Variants in ULK4 observed in about 807,000 individuals in gnomAD.
ULK4 encodes the protein unc-51 like kinase 4.
In ULK4, 133 loss-of-function variants were observed where a neutral mutation model predicts 160.6. The observed-to-expected ratio is 0.83, with a 90% CI of 0.72 to 0.96. The LOEUF (loss-of-function observed/expected upper bound fraction) is 0.96. Ranked by LOEUF, ULK4 falls within the 40% of genes least tolerant of loss-of-function variation. The probability of loss-of-function intolerance (pLI) is 0.00; values close to 1 mark genes in which losing one functional copy is unlikely to be tolerated. For missense variants in ULK4, 1,580 were observed against 1,499.5 expected (o/e 1.05, Z -0.89); for synonymous variants, 534 against 539.8 (o/e 0.99, Z 0.15).
chr3:41,809,026 C>A (rs548509248), intron 19 of ULK4, among the ~76,000 whole-genome samples: 1 of 151,896 alleles, frequency 6.6e-6, no homozygotes, highest in Non-Finnish European at 1.5e-5. Flanking sequence ...ATTAGCCAGG[C>A]GTGGTGGTGC....
intron 17 of ULK4, among the ~76,000 whole-genome samples, chr3:41,862,155 G>A (rs904652459): frequency 6.6e-6 from 1 of 151,786 alleles, no homozygotes; most frequent in Admixed American, 6.6e-5. Context: ...TCTCTCTTCT[G>A]CTTAATAAAT....
At chr3:41,297,888 G>T (rs1398664084) in intron 35 of ULK4, among the ~76,000 whole-genome samples, 8 of 152,172 alleles carry the variant, frequency 5.3e-5, no homozygotes, top group Non-Finnish European at 1.2e-4. Flanking sequence ...CTGTATCCAA[G>T]GTCACAAAGG....
chr3:41,424,219 G>C (rs931870283), intron 34 of ULK4, among the ~76,000 whole-genome samples: 2 of 152,128 alleles, frequency 1.3e-5, no homozygotes, highest in Non-Finnish European at 2.9e-5. Flanking sequence ...GTGCCTCCCT[G>C]CAGCAATTTC....
intron 21 of ULK4, among the ~76,000 whole-genome samples, chr3:41,770,773 A>G (rs944241502): frequency 2.0e-5 from 3 of 152,192 alleles, no homozygotes; most frequent in Non-Finnish European, 4.4e-5. Context: ...TCAGCCTCCC[A>G]AAGTGCTGGG....
At chr3:41,353,791 TCTTA>T (rs1181873726) in intron 35 of ULK4, among the ~76,000 whole-genome samples, 1 of 151,902 alleles carries the variant, frequency 6.6e-6, no homozygotes, top group Non-Finnish European at 1.5e-5. Context: ...ACTTTCCTGG[TCTTA>T]CTTCTATAGG....
intron 12 of ULK4, among the ~76,000 whole-genome samples, chr3:41,906,782 C>G (rs1021299832): frequency 2.6e-5 from 4 of 152,106 alleles, no homozygotes; most frequent in African/African-American, 9.7e-5. Flanking sequence ...ATCATGAGGT[C>G]AAGAGATCAA....
At chr3:41,789,272 G>A (rs1575711229) in intron 21 of ULK4, among the ~76,000 whole-genome samples, 1 of 152,182 alleles carries the variant, frequency 6.6e-6, no homozygotes, top group South Asian at 2.1e-4. Flanking sequence ...TACAAGGAAA[G>A]GAATAAAAAT....
At chr3:41,721,255 ATTTTTT>A (rs67078042) in intron 22 of ULK4, among the ~76,000 whole-genome samples, 3 of 45,044 alleles carry the variant, frequency 6.7e-5, no homozygotes, top group East Asian at 1.0e-3. Flanking sequence ...TTCGCTTTGA[ATTTTTT>A]TTTTTTTTTT....
chr3:41,897,000 T>C lies in ULK4; in HGVS notation c.1352A>G (p.Asp451Gly), dbSNP rs368754718. The C allele has an allele frequency of 3.1e-6, 5 of 1,609,002 alleles. No homozygotes were observed. The highest frequency in any genetic ancestry group is 4.2e-6 in the Non-Finnish European group (5 of 1,177,662). Residue 451 changes from aspartate to glycine, a missense_variant, in exon 15 of 37, where the codon GAT becomes GGT. By Grantham distance (94) the Asp-to-Gly change is moderately conservative (BLOSUM62 -1). Transcript: ENST00000301831. ...KILHLPTYSV[D>G]KLLFLKDQDW... Reference sequence around the variant, plus strand: ...TTGATCTTTCAGAAATAATAACTTATCCACTGCGATGGAAAGAAAATAATA... The same window carrying C: ...TTGATCTTTCAGAAATAATAACTTACCCACTGCGATGGAAAGAAAATAATA...
chr3:41,642,292 A>G (rs1012151994), intron 30 of ULK4, among the ~76,000 whole-genome samples: 3 of 151,220 alleles, frequency 2.0e-5, no homozygotes, highest in African/African-American at 4.9e-5. Flanking sequence ...CCACCTATTA[A>G]CTCGTCATTT....
intron 35 of ULK4, among the ~76,000 whole-genome samples, chr3:41,339,927 G>A (rs919098776): frequency 1.3e-5 from 2 of 152,106 alleles, no homozygotes; most frequent in Admixed American, 6.5e-5. Context: ...TTGTAGAGGC[G>A]CTTGTTACAA....
chr3:41,916,634 A>C (rs898132727), intron 7 of ULK4, among the ~76,000 whole-genome samples: 1 of 150,656 alleles, frequency 6.6e-6, no homozygotes, highest in African/African-American at 2.4e-5. Flanking sequence ...CCAGTGATCC[A>C]CCTGCCTTGG....
chr3:41,323,391 A>AACACACAC (rs34357899), intron 35 of ULK4, among the ~76,000 whole-genome samples: 2,501 of 120,250 alleles, frequency 0.021, 50 homozygotes, highest in East Asian at 0.036. Context: ...CCTGAACAAT[A>AACACACAC]ACACACACAC....
intron 35 of ULK4, among the ~76,000 whole-genome samples, chr3:41,378,812 A>G (rs192862500): frequency 2.0e-5 from 3 of 151,862 alleles, no homozygotes; most frequent in Non-Finnish European, 2.9e-5. Flanking sequence ...ATAATAAAAA[A>G]TAAAACAAAA....
intron 32 of ULK4, among the ~76,000 whole-genome samples, chr3:41,473,232 C>T (rs1379158697): frequency 6.6e-6 from 1 of 152,100 alleles, no homozygotes; most frequent in Non-Finnish European, 1.5e-5. Context: ...TATTAGAAGA[C>T]TTTACCAGAG....
At chr3:41,876,067 C>CA (rs1477105425) in intron 17 of ULK4, among the ~76,000 whole-genome samples, 4 of 151,024 alleles carry the variant, frequency 2.6e-5, no homozygotes, top group Non-Finnish European at 3.0e-5. Flanking sequence ...TTAGCAATAC[C>CA]AAAAAAAGCA....
intron 16 of ULK4, among the ~76,000 whole-genome samples, chr3:41,893,831 A>G (rs1698057124): frequency 6.6e-6 from 1 of 152,184 alleles, no homozygotes; most frequent in African/African-American, 2.4e-5. Context: ...AAACAAAACT[A>G]AAGAATAAAT....
In ULK4 at chr3:41,561,729, G is replaced by A. The variant is rs189317070; in HGVS notation, c.3226+4296C>T. Among the ~76,000 whole-genome samples the A allele has an allele frequency of 2.6e-3, 402 of 152,134 alleles. 1 individual carries two copies. The highest frequency in any genetic ancestry group is 8.8e-3 in the African/African-American group (365 of 41,490). Reference sequence around the variant, plus strand: ...GATATCCTCTTTATCATTTTTTATTGTGTCTATTTGATTCTTCTCTCTTTT... The same window carrying A: ...GATATCCTCTTTATCATTTTTTATTATGTCTATTTGATTCTTCTCTCTTTT... On this transcript the variant is annotated intron_variant, in intron 32 of 36. Coordinates refer to ENST00000301831, the MANE Select transcript of ULK4 (RefSeq NM_017886.4).
chr3:41,829,803 G>C (rs541051407), intron 18 of ULK4, among the ~76,000 whole-genome samples: 19,487 of 122,564 alleles, frequency 0.16, 2,447 homozygotes, highest in African/African-American at 0.32. Context: ...TGGGTATATA[G>C]TCAAAGGACT....
Sources: gnomAD v4.1 joint callset for allele counts (sites outside exome capture counted in the v4.1 genomes callset) on GRCh38, gnomAD v4.1.1 for gene constraint, MANE v1.5 for transcripts, NCBI Gene and HGNC (gene_info 2026-07-23, HGNC 2026-07-21) for gene names.